Variants in CBFA2T2 observed in about 807,000 individuals in gnomAD.
The protein encoded by CBFA2T2 is CBFA2/RUNX1 partner transcriptional co-repressor 2, also known as protein CBFA2T2.
A neutral mutation model predicts 62.2 loss-of-function variants in CBFA2T2; 11 were observed. The ratio of observed to expected loss-of-function variants is 0.18; its 90% CI spans 0.11 to 0.29. The LOEUF is 0.29. Ranked by LOEUF, CBFA2T2 falls within the 10% of genes least tolerant of loss-of-function variation. The pLI is 1.00. For missense variants in CBFA2T2, 592 were observed against 774.1 expected (o/e 0.76, Z 2.79); for synonymous variants, 295 against 287.5 (o/e 1.03, Z -0.27).
intron 8 of CBFA2T2, among the ~76,000 whole-genome samples, chr20:33,635,734 C>A (rs1351919194): frequency 6.6e-6 from 1 of 151,956 alleles, no homozygotes; most frequent in Non-Finnish European, 1.5e-5. Flanking sequence ...GGAAATTAGG[C>A]GGTCATGGTG....
At chr20:33,562,284 G>A in intron 1 of CBFA2T2, 2 of 590,850 alleles carry the variant, frequency 3.4e-6, no homozygotes, top group Non-Finnish European at 4.3e-6. Context: ...ACTGGGAGGT[G>A]TGTACTTAGT....
intron 1 of CBFA2T2, among the ~76,000 whole-genome samples, chr20:33,564,983 G>C (rs745801804): frequency 1.2e-4 from 18 of 151,708 alleles, no homozygotes; most frequent in Non-Finnish European, 2.4e-4. Context: ...GCAGCGGCGC[G>C]ATCTCGACTG....
intron 1 of CBFA2T2, among the ~76,000 whole-genome samples, chr20:33,492,775 T>C (rs970362794): frequency 1.3e-5 from 2 of 152,136 alleles, no homozygotes; most frequent in Non-Finnish European, 2.9e-5. Context: ...CCATCCAAAT[T>C]GCTGGGATTA....
At chr20:33,521,823 C>CGTGTGTGT (rs111558647) in intron 1 of CBFA2T2, among the ~76,000 whole-genome samples, 4 of 148,386 alleles carry the variant, frequency 2.7e-5, no homozygotes, top group African/African-American at 9.9e-5. Flanking sequence ...ATTTGAGCTG[C>CGTGTGTGT]GTGTGTGTGT....
At chr20:33,553,003 G>C (rs2012779731) in intron 1 of CBFA2T2, among the ~76,000 whole-genome samples, 1 of 152,118 alleles carries the variant, frequency 6.6e-6, no homozygotes, top group South Asian at 2.1e-4. Flanking sequence ...AGTCCCTGCT[G>C]TGAAGCTCAT....
chr20:33,568,238 C>T (rs2013418800), intron 1 of CBFA2T2, among the ~76,000 whole-genome samples: 1 of 152,188 alleles, frequency 6.6e-6, no homozygotes, highest in South Asian at 2.1e-4. Flanking sequence ...AATAAGATTT[C>T]TCTTTCCATG....
intron 1 of CBFA2T2, among the ~76,000 whole-genome samples, chr20:33,540,313 A>AT (rs1218839678): frequency 6.6e-6 from 1 of 152,212 alleles, no homozygotes; most frequent in African/African-American, 2.4e-5. Flanking sequence ...ATGTACAAAC[A>AT]TTATAGAGTG....
chr20:33,608,709 T>C (rs1438141183), intron 2 of CBFA2T2, among the ~76,000 whole-genome samples: 1 of 152,232 alleles, frequency 6.6e-6, no homozygotes. Flanking sequence ...CAGCCCTTTT[T>C]ACTTCCATAT....
intron 1 of CBFA2T2, among the ~76,000 whole-genome samples, chr20:33,537,357 C>T (rs1181007341): frequency 6.6e-6 from 1 of 152,218 alleles, no homozygotes; most frequent in Non-Finnish European, 1.5e-5. Context: ...CGTGGCAGCG[C>T]GCGCCTGCAA....
chr20:33,516,824 A>C (rs2011606702), intron 1 of CBFA2T2, among the ~76,000 whole-genome samples: 1 of 152,240 alleles, frequency 6.6e-6, no homozygotes, highest in Non-Finnish European at 1.5e-5. Flanking sequence ...TTTATAATTT[A>C]CAGTCAGATG....
intron 1 of CBFA2T2, among the ~76,000 whole-genome samples, chr20:33,539,008 A>C (rs976247745): frequency 1.3e-5 from 2 of 152,218 alleles, no homozygotes; most frequent in African/African-American, 4.8e-5. Context: ...ATTGGGATCA[A>C]ATATTTCTTC....
At chr20:33,555,441 T>TTTTTG (rs1031132825) in intron 1 of CBFA2T2, among the ~76,000 whole-genome samples, 1 of 152,182 alleles carries the variant, frequency 6.6e-6, no homozygotes, top group Non-Finnish European at 1.5e-5. Flanking sequence ...TGTTTTCTGT[T>TTTTTG]TTTTGTTTTG....
At chr20:33,569,366 T>C (rs1428527615) in intron 1 of CBFA2T2, among the ~76,000 whole-genome samples, 2 of 152,242 alleles carry the variant, frequency 1.3e-5, no homozygotes, top group Non-Finnish European at 2.9e-5. Flanking sequence ...ATAATTGTTC[T>C]AGTTTACTCA....
At chr20:33,557,465 A>G (rs1032658124) in intron 1 of CBFA2T2, among the ~76,000 whole-genome samples, 4 of 152,200 alleles carry the variant, frequency 2.6e-5, no homozygotes, top group African/African-American at 9.7e-5. Flanking sequence ...GCAAACAGCT[A>G]GGAAGTGTAT....
Position 33,585,327 on chromosome 20 carries a change from C to T in CBFA2T2, c.35-21629C>T, listed in dbSNP as rs572309972. 2.0e-5 allele frequency among the ~76,000 whole-genome samples: 3 copies of T among 152,314 alleles called. No individual in the cohort carries two copies. In the South Asian group the frequency reaches 6.2e-4, roughly 32 times the overall value. Reference sequence around the variant, plus strand: ...TATTTACCTCTTATCCCCATCGTGTCATCAGTTCCATTGTCATGTTCTTTG... The same window carrying T: ...TATTTACCTCTTATCCCCATCGTGTTATCAGTTCCATTGTCATGTTCTTTG... On this transcript the variant is annotated intron_variant, in intron 1 of 10. Transcript: ENST00000342704.
intron 1 of CBFA2T2, among the ~76,000 whole-genome samples, chr20:33,512,442 G>T (rs193208203): frequency 8.5e-5 from 13 of 152,252 alleles, no homozygotes; most frequent in Non-Finnish European, 1.3e-4. Context: ...TCTCCAAGGG[G>T]TAACCACTAT....
intron 1 of CBFA2T2, among the ~76,000 whole-genome samples, chr20:33,502,415 T>G (rs1437275176): frequency 6.6e-6 from 1 of 151,978 alleles, no homozygotes; most frequent in Admixed American, 6.6e-5. Flanking sequence ...TTTTCTTTTT[T>G]TTCGTGTGTG....
intron 2 of CBFA2T2, among the ~76,000 whole-genome samples, chr20:33,607,730 A>G (rs1342799243): frequency 1.3e-5 from 2 of 152,140 alleles, no homozygotes; most frequent in Non-Finnish European, 2.9e-5. Context: ...ATCATATTGG[A>G]TTAGGGACTA....
chr20:33,613,907 A>C (rs149352079), intron 3 of CBFA2T2, among the ~76,000 whole-genome samples: 1 of 152,332 alleles, frequency 6.6e-6, no homozygotes, highest in Non-Finnish European at 1.5e-5. Context: ...TCTATTCTTA[A>C]AAATAATTTC....
Sources: gnomAD v4.1 joint callset for allele counts (sites outside exome capture counted in the v4.1 genomes callset) on GRCh38, gnomAD v4.1.1 for gene constraint, MANE v1.5 for transcripts, NCBI Gene and HGNC (gene_info 2026-07-23, HGNC 2026-07-21) for gene names.